DBF4B: variants seen among roughly 807,000 people sequenced by gnomAD.
DBF4B encodes the protein DBF4B-CDC7 kinase regulatory subunit, also known as protein DBF4 homolog B.
Under a neutral mutation model 53.4 loss-of-function variants are expected in DBF4B, and 49 were observed. The ratio of observed to expected loss-of-function variants is 0.92; its 90% CI spans 0.73 to 1.16. The LOEUF is 1.16. Among genes scored for constraint, DBF4B ranks in the 50% most tolerant of loss-of-function variants. The probability of loss-of-function intolerance (pLI) is 0.00; values close to 1 mark genes in which losing one functional copy is unlikely to be tolerated. For synonymous variants in DBF4B, 257 were observed against 288.7 expected, an observed-to-expected ratio of 0.89 and a Z score of 1.11; for missense variants, 692 against 775.0, an observed-to-expected ratio of 0.89 and a Z score of 1.27.
rs1336567779 is a variant in DBF4B at position 44,741,371 on chromosome 17, T to A, written c.749T>A (p.Phe250Tyr). The A allele has an allele frequency of 9.9e-6, 16 of 1,613,506 alleles. No homozygotes were observed. Among genetic ancestry groups the A allele is most frequent in the Non-Finnish European group, 1.4e-5 (16 of 1,179,634 alleles). The change falls in exon 10 of 14, where the codon TTT (phenylalanine) becomes TAT (tyrosine). Residue 250 changes from phenylalanine to tyrosine, a missense_variant. Physicochemically the swap from Phe to Tyr is conservative, Grantham distance 22. Coordinates refer to ENST00000315005, the MANE Select transcript of DBF4B (RefSeq NM_145663.3). ...FRPFHHQFKS[F>Y]PEISFLGPKD... ...CCTTTCCATCATCAGTTTAAATCCT[T>A]TCCTGAAATTTCTTTTCTTGGACCC...
At chr17:44,736,092 C>A (rs1183857416) in intron 7 of DBF4B, among the ~76,000 whole-genome samples, 1 of 152,062 alleles carries the variant, frequency 6.6e-6, no homozygotes, top group Non-Finnish European at 1.5e-5. Flanking sequence ...AACCATCCTC[C>A]CACCTCAGCC....
intron 4 of DBF4B, among the ~76,000 whole-genome samples, chr17:44,730,372 C>T (rs557282950): frequency 1.3e-5 from 2 of 152,130 alleles, no homozygotes; most frequent in East Asian, 1.9e-4. Context: ...CCAGAGAAGA[C>T]GTGTTGGGAT....
intron 3 of DBF4B, among the ~76,000 whole-genome samples, chr17:44,729,315 C>T (rs1266094366): frequency 4.0e-5 from 6 of 150,904 alleles, no homozygotes; most frequent in Admixed American, 3.3e-4. Flanking sequence ...GATGCTCCTG[C>T]CTCAGACTCC....
chr17:44,748,500 G>T (rs534995901), intron 13 of DBF4B, 35 bp downstream of exon 13: 19 of 1,612,600 alleles, frequency 1.2e-5, no homozygotes, highest in Admixed American at 1.7e-5. Flanking sequence ...TGGACAGCAC[G>T]CAGGCACCAG....
chr17:44,717,986 A>G (rs1973475298), intron 2 of DBF4B, among the ~76,000 whole-genome samples: 2 of 152,050 alleles, frequency 1.3e-5, no homozygotes, highest in African/African-American at 4.8e-5. Flanking sequence ...TGATCACACC[A>G]CTGCACTCTA....
intron 2 of DBF4B, among the ~76,000 whole-genome samples, chr17:44,710,761 C>G (rs778481946): frequency 1.3e-5 from 2 of 151,758 alleles, no homozygotes; most frequent in Non-Finnish European, 2.9e-5. Flanking sequence ...TTTGTAGAGA[C>G]GAGGTTTTGC....
intron 3 of DBF4B, among the ~76,000 whole-genome samples, chr17:44,725,132 A>C (rs1179461332): frequency 6.6e-6 from 1 of 151,684 alleles, no homozygotes; most frequent in Non-Finnish European, 1.5e-5. Flanking sequence ...AAAAAAAAAA[A>C]AAAAAAACAT....
chr17:44,748,119 C>T (rs997518492), intron 12 of DBF4B, among the ~76,000 whole-genome samples: 1 of 152,230 alleles, frequency 6.6e-6, no homozygotes. Flanking sequence ...ATTCCTCTGG[C>T]CGGCCCCAAC....
chr17:44,739,633 G>A (rs1327780415), intron 9 of DBF4B, among the ~76,000 whole-genome samples: 1 of 152,230 alleles, frequency 6.6e-6, no homozygotes, highest in East Asian at 1.9e-4. Flanking sequence ...ATATGCAACG[G>A]CTGAAAGGCA....
intron 7 of DBF4B, among the ~76,000 whole-genome samples, 200 bp from the exon 8 acceptor site, chr17:44,736,630 C>G (rs1975464745): frequency 6.6e-6 from 1 of 152,104 alleles, no homozygotes; most frequent in Non-Finnish European, 1.5e-5. Flanking sequence ...CCGAGTGCCC[C>G]CCTTATTCAT....
chr17:44,751,348 C>T lies in DBF4B; in HGVS notation c.*95C>T. On this transcript the variant is annotated 3_prime_UTR_variant, in exon 14 of 14. Transcript: ENST00000315005. ...CAGTGGCTCCTTGGCGTGAGCACTGCTCAGACTCCTTTCCACTCCAGCCCC... is the reference window on the plus strand; with the variant it reads ...CAGTGGCTCCTTGGCGTGAGCACTGTTCAGACTCCTTTCCACTCCAGCCCC... 1 of 1,481,884 alleles carries T rather than the reference C, an allele frequency of 6.7e-7. No homozygotes were observed. The highest frequency in any genetic ancestry group is 8.9e-7 in the Non-Finnish European group (1 of 1,120,968). 91.8% of individuals were successfully genotyped at this position (1,481,884 alleles called of 1,614,324 possible). A position where few individuals can be genotyped will look rare whatever the true frequency, so the allele number is the denominator to read the frequency against.
In DBF4B at chr17:44,751,537, T is replaced by A; in HGVS notation, c.*284T>A. The A allele has an allele frequency of 7.6e-7, 1 of 1,316,248 alleles. No individual in the cohort carries two copies. Among genetic ancestry groups the A allele is most frequent in the Non-Finnish European group, 9.7e-7 (1 of 1,034,680 alleles). 81.5% of individuals were successfully genotyped at this position (1,316,248 alleles called of 1,614,324 possible). The stretch of plus-strand genomic sequence containing the variant: ...CCCTCCAGCCCACCTCGCCAACCAC[T>A]CTTGTTGGTTTCCTTCTCAGACTTG... On this transcript the variant is annotated 3_prime_UTR_variant, in exon 14 of 14. Transcript: ENST00000315005.
chr17:44,709,281 G>C, intron 1 of DBF4B, 23 bp from the exon 2 acceptor site: 1 of 1,614,074 alleles, frequency 6.2e-7, no homozygotes, highest in East Asian at 2.2e-5. Flanking sequence ...AGATGGTTGA[G>C]TTGCTGTTAT....
intron 2 of DBF4B, among the ~76,000 whole-genome samples, chr17:44,714,811 AG>A (rs1973188543): frequency 6.6e-6 from 1 of 151,796 alleles, no homozygotes. Flanking sequence ...GATCTCCCAA[AG>A]TGCTGGGATT....
intron 13 of DBF4B, chr17:44,750,179 C>T: frequency 1.0e-6 from 1 of 1,000,234 alleles, no homozygotes. Context: ...TCCCCAAGGA[C>T]CTCCCCCCAT....
chr17:44,739,526 G>A (rs1975781838), intron 9 of DBF4B, among the ~76,000 whole-genome samples: 1 of 152,206 alleles, frequency 6.6e-6, no homozygotes, highest in African/African-American at 2.4e-5. Context: ...AGAACAATGG[G>A]ATGGTACAGA....
intron 10 of DBF4B, among the ~76,000 whole-genome samples, chr17:44,741,837 C>T (rs770193657): frequency 6.6e-6 from 1 of 152,190 alleles, no homozygotes; most frequent in Non-Finnish European, 1.5e-5. Context: ...GTGCACCCAG[C>T]AGTTACCTCA....
chr17:44,717,848 C>G (rs1446616112), intron 2 of DBF4B, among the ~76,000 whole-genome samples: 2 of 151,376 alleles, frequency 1.3e-5, no homozygotes, highest in East Asian at 2.0e-4. Flanking sequence ...GATCTTGTCT[C>G]TACAGAAAAT....
intron 13 of DBF4B, chr17:44,748,737 G>A: frequency 3.7e-6 from 5 of 1,363,938 alleles, no homozygotes; most frequent in African/African-American, 2.9e-5. Flanking sequence ...GTGCTAAGAA[G>A]AGAGTGGGGG....
Sources: gnomAD v4.1 joint callset for allele counts (sites outside exome capture counted in the v4.1 genomes callset) on GRCh38, gnomAD v4.1.1 for gene constraint, MANE v1.5 for transcripts, NCBI Gene and HGNC (gene_info 2026-07-23, HGNC 2026-07-21) for gene names.